FBXL7: variants seen among roughly 807,000 people sequenced by gnomAD.
FBXL7 encodes the protein F-box and leucine rich repeat protein 7.
Under a neutral mutation model 38.3 loss-of-function variants are expected in FBXL7, and 12 were observed. The ratio of observed to expected loss-of-function variants is 0.31; its 90% CI spans 0.20 to 0.51. The LOEUF is 0.51. Among genes scored for constraint, FBXL7 ranks in the 20% least tolerant of loss-of-function variants. The pLI, the probability that FBXL7 is intolerant of heterozygous loss-of-function variation, is 0.98. For missense variants in FBXL7, 567 were observed against 676.4 expected, an observed-to-expected ratio of 0.84 and a Z score of 1.79; for synonymous variants, 297 against 300.9, an observed-to-expected ratio of 0.99 and a Z score of 0.13.
At chr5:15,661,594 T>G (rs1486453132) in intron 2 of FBXL7, among the ~76,000 whole-genome samples, 1 of 152,220 alleles carries the variant, frequency 6.6e-6, no homozygotes, top group African/African-American at 2.4e-5. Flanking sequence ...TGTGAAGGTT[T>G]GTTACATAGG....
chr5:15,843,761 G>A (rs58722087), intron 2 of FBXL7, among the ~76,000 whole-genome samples: 1 of 151,768 alleles, frequency 6.6e-6, no homozygotes, highest in Admixed American at 6.6e-5. Context: ...ACCCAAGAAG[G>A]TGTCAGATGA....
At chr5:15,523,311 C>A (rs1003528019) in intron 1 of FBXL7, among the ~76,000 whole-genome samples, 10 of 152,174 alleles carry the variant, frequency 6.6e-5, no homozygotes, top group African/African-American at 2.4e-4. Context: ...GTAATCCCAG[C>A]ACTTTGGGAG....
At chr5:15,862,432 C>G (rs1373239459) in intron 2 of FBXL7, among the ~76,000 whole-genome samples, 1 of 152,202 alleles carries the variant, frequency 6.6e-6, no homozygotes, top group Non-Finnish European at 1.5e-5. Context: ...AGCATAAAAA[C>G]AGACTAATAC....
chr5:15,746,289 C>T (rs4702104), intron 2 of FBXL7, among the ~76,000 whole-genome samples: 3,421 of 152,138 alleles, frequency 0.022, 84 homozygotes, highest in East Asian at 0.066. Context: ...GCGGTAGAGT[C>T]GGCAGTTGGA....
intron 3 of FBXL7, among the ~76,000 whole-genome samples, chr5:15,930,089 G>A (rs980734702): frequency 4.6e-5 from 7 of 152,270 alleles, no homozygotes; most frequent in South Asian, 2.1e-4. Flanking sequence ...AGAGCAGCTC[G>A]CTGCTCCTCT....
At chr5:15,681,969 G>A (rs1321821086) in intron 2 of FBXL7, among the ~76,000 whole-genome samples, 1 of 152,204 alleles carries the variant, frequency 6.6e-6, no homozygotes, top group Non-Finnish European at 1.5e-5. Context: ...TGTAAACACA[G>A]CGTGTCATTC....
chr5:15,551,715 A>AT (rs1738077649), intron 1 of FBXL7, among the ~76,000 whole-genome samples: 1 of 152,082 alleles, frequency 6.6e-6, no homozygotes, highest in African/African-American at 2.4e-5. Flanking sequence ...ATGCCTCTTC[A>AT]TTTTTTCTGT....
At chr5:15,624,935 TCTTG>T (rs1472975986) in intron 2 of FBXL7, among the ~76,000 whole-genome samples, 1 of 151,686 alleles carries the variant, frequency 6.6e-6, no homozygotes, top group Non-Finnish European at 1.5e-5. Context: ...TCTCTCTCTC[TCTTG>T]CTTCCTCTCT....
At chr5:15,661,764 A>G (rs1742083598) in intron 2 of FBXL7, among the ~76,000 whole-genome samples, 1 of 152,180 alleles carries the variant, frequency 6.6e-6, no homozygotes, top group Admixed American at 6.5e-5. Flanking sequence ...CTCCCACTAG[A>G]AGTCAGAGCA....
chr5:15,729,728 C>G (rs1030176126), intron 2 of FBXL7, among the ~76,000 whole-genome samples: 31 of 151,958 alleles, frequency 2.0e-4, no homozygotes, highest in African/African-American at 7.5e-4. Context: ...AAATGTGAGC[C>G]GTAAATAGTA....
chr5:15,929,908 G>C (rs1741995334), intron 3 of FBXL7, among the ~76,000 whole-genome samples: 1 of 152,130 alleles, frequency 6.6e-6, no homozygotes, highest in African/African-American at 2.4e-5. Flanking sequence ...AAAACACTAT[G>C]GTGGGTGAAC....
chr5:15,677,672 A>G (rs2126605995), intron 2 of FBXL7, among the ~76,000 whole-genome samples: 1 of 152,284 alleles, frequency 6.6e-6, no homozygotes, highest in African/African-American at 2.4e-5. Context: ...GGAGAATTTT[A>G]TTAAAATCAT....
chr5:15,684,497 G>A (rs1222241467), intron 2 of FBXL7, among the ~76,000 whole-genome samples: 3 of 152,162 alleles, frequency 2.0e-5, no homozygotes, highest in African/African-American at 4.8e-5. Flanking sequence ...CCCCAAGAAT[G>A]TGCATGTCCT....
intron 2 of FBXL7, among the ~76,000 whole-genome samples, chr5:15,731,363 C>T (rs568616088): frequency 6.9e-6 from 1 of 144,998 alleles, no homozygotes; most frequent in South Asian, 2.2e-4. Context: ...AAAGAGAAAG[C>T]TTGTGCAGAG....
At chr5:15,933,325 A>G (rs938459132) in intron 3 of FBXL7, among the ~76,000 whole-genome samples, 1 of 152,250 alleles carries the variant, frequency 6.6e-6, no homozygotes, top group Admixed American at 6.5e-5. Context: ...TTCCTGGACC[A>G]AATATATTAT....
chr5:15,922,816 A>G (rs75473317), intron 2 of FBXL7, among the ~76,000 whole-genome samples: 8,383 of 152,298 alleles, frequency 0.055, 749 homozygotes, highest in African/African-American at 0.19. Context: ...TGTAAAATAC[A>G]TTAAAATTAA....
chr5:15,555,690 G>A (rs1738206931), intron 1 of FBXL7, among the ~76,000 whole-genome samples: 2 of 151,814 alleles, frequency 1.3e-5, no homozygotes, highest in South Asian at 4.2e-4. Flanking sequence ...TTGTCCCATT[G>A]CAGTCCTCTG....
chr5:15,750,258 A>T (rs1214227077), intron 2 of FBXL7, among the ~76,000 whole-genome samples: 1 of 152,220 alleles, frequency 6.6e-6, no homozygotes, highest in African/African-American at 2.4e-5. Context: ...ATACACTGTA[A>T]GTGAAAACTA....
intron 1 of FBXL7, among the ~76,000 whole-genome samples, chr5:15,504,113 A>T (rs912514942): frequency 1.3e-5 from 2 of 152,260 alleles, no homozygotes; most frequent in Admixed American, 1.3e-4. Context: ...AGTTGAGAGA[A>T]CTTACTGTGT....
Sources: gnomAD v4.1 joint callset for allele counts (sites outside exome capture counted in the v4.1 genomes callset) on GRCh38, gnomAD v4.1.1 for gene constraint, MANE v1.5 for transcripts, NCBI Gene and HGNC (gene_info 2026-07-23, HGNC 2026-07-21) for gene names.